Variants in CLCN3 observed in about 807,000 individuals in gnomAD.
CLCN3 encodes Cl-/H+ antiporter 3, also known as H(+)/Cl(-) exchange transporter 3.
In CLCN3, 16 loss-of-function variants were observed where a neutral mutation model predicts 83.4. The ratio of observed to expected loss-of-function variants is 0.19; its 90% CI spans 0.13 to 0.29. CLCN3 has a LOEUF of 0.29. Ranked by LOEUF, CLCN3 falls within the 10% of genes least tolerant of loss-of-function variation. CLCN3 has a pLI of 1.00. For synonymous variants in CLCN3, 322 were observed against 346.2 expected (o/e 0.93, Z 0.78); for missense variants, 544 against 1,006.0 (o/e 0.54, Z 6.21).
chr4:169,642,135 T>C (rs1045867587), intron 2 of CLCN3, among the ~76,000 whole-genome samples: 1 of 152,164 alleles, frequency 6.6e-6, no homozygotes, highest in African/African-American at 2.4e-5. Flanking sequence ...GATCTCACTA[T>C]GTTGACCAGG....
intron 2 of CLCN3, among the ~76,000 whole-genome samples, chr4:169,668,161 GA>G (rs1368971152): frequency 2.7e-5 from 4 of 146,496 alleles, no homozygotes; most frequent in African/African-American, 7.6e-5. Context: ...GTGTGTGTGA[GA>G]GGGGGTTGTT....
intron 11 of CLCN3, among the ~76,000 whole-genome samples, chr4:169,711,193 T>G (rs182910351): frequency 6.6e-6 from 1 of 152,358 alleles, no homozygotes; most frequent in East Asian, 1.9e-4. Flanking sequence ...CTTTACATCT[T>G]TTTATTTTGT....
intron 12 of CLCN3, among the ~76,000 whole-genome samples, chr4:169,719,250 A>G (rs1447515594): frequency 6.6e-6 from 1 of 152,216 alleles, no homozygotes; most frequent in Non-Finnish European, 1.5e-5. Flanking sequence ...GTGGATCACA[A>G]GGTCAGGAGT....
chr4:169,623,969 G>A (rs1468680936), intron 1 of CLCN3, among the ~76,000 whole-genome samples: 6 of 152,044 alleles, frequency 3.9e-5, no homozygotes, highest in African/African-American at 7.3e-5. Flanking sequence ...ATGAATCACT[G>A]TATTGGAAGA....
At chr4:169,679,120 C>T (rs1410132077) in intron 2 of CLCN3, among the ~76,000 whole-genome samples, 2 of 151,336 alleles carry the variant, frequency 1.3e-5, no homozygotes, top group Admixed American at 6.6e-5. Flanking sequence ...CGGAGGGGCT[C>T]CTCACTTCTC....
intron 2 of CLCN3, among the ~76,000 whole-genome samples, chr4:169,659,135 A>G (rs1730970154): frequency 6.6e-6 from 1 of 152,106 alleles, no homozygotes; most frequent in Non-Finnish European, 1.5e-5. Context: ...AATTGCTTCT[A>G]ATGAACAACA....
chr4:169,720,286 G>A lies in CLCN3; in HGVS notation c.*289G>A. The stretch of plus-strand genomic sequence containing the variant: ...GCACTGGATGCATTCAGCTGAGGAT[G>A]TGCCTGATAGTGCAGGCTTGCGCCT... On this transcript the variant is annotated 3_prime_UTR_variant, in exon 13 of 13. Coordinates refer to ENST00000513761, the MANE Select transcript of CLCN3 (RefSeq NM_001829.4). 1 of 461,096 alleles carries A rather than the reference G, an allele frequency of 2.2e-6. No homozygotes were observed. The highest frequency in any genetic ancestry group is 3.7e-5 in the East Asian group (1 of 27,204). 28.6% of individuals were successfully genotyped at this position (461,096 alleles called of 1,614,324 possible).
chr4:169,636,900 A>C (rs1003434461), intron 2 of CLCN3, among the ~76,000 whole-genome samples: 3 of 152,216 alleles, frequency 2.0e-5, no homozygotes, highest in Admixed American at 2.0e-4. Context: ...ATCAGATACT[A>C]TCAGAGATAC....
chr4:169,689,722 G>A (rs1732292646), intron 5 of CLCN3, among the ~76,000 whole-genome samples: 1 of 152,184 alleles, frequency 6.6e-6, no homozygotes, highest in Non-Finnish European at 1.5e-5. Context: ...GATGTTACAT[G>A]TATATTTTTT....
Position 169,721,554 on chromosome 4 carries a change from G to A in CLCN3, c.*1557G>A, listed in dbSNP as rs945382621. 1.3e-5 allele frequency: 2 copies of A among 152,112 alleles called. No homozygotes were observed. The highest frequency in any genetic ancestry group is 2.4e-5 in the African/African-American group (1 of 41,416). The allele number at this position is 152,112 out of a possible 1,614,324, so 9.4% of individuals were successfully genotyped here. A position where few individuals can be genotyped will look rare whatever the true frequency, so the allele number is the denominator to read the frequency against. The stretch of plus-strand genomic sequence containing the variant: ...TTAAAAAAAAAATCAAACCAAAAAT[G>A]TGAAAACAATAGAATTGCAAAGATA... On this transcript the variant is annotated 3_prime_UTR_variant, in exon 13 of 13. Transcript: ENST00000513761.
At chr4:169,653,021 G>A (rs1730771364) in intron 2 of CLCN3, among the ~76,000 whole-genome samples, 1 of 152,102 alleles carries the variant, frequency 6.6e-6, no homozygotes, top group African/African-American at 2.4e-5. Context: ...TATCTTCTAT[G>A]GAGTGCATTT....
rs377023371 is a variant in CLCN3, at chr4:169,694,616, A to T, written c.937-996A>T. Among the ~76,000 whole-genome samples the T allele has an allele frequency of 3.3e-5, 5 of 152,328 alleles. No homozygotes were observed. In the East Asian group the frequency reaches 9.6e-4, roughly 29 times the overall value. On this transcript the variant is annotated intron_variant, in intron 7 of 12. Coordinates refer to ENST00000513761, the MANE Select transcript of CLCN3 (RefSeq NM_001829.4). ...CATTTTGGTAGGTTGAGGCAGGCAG[A>T]TCACCTAAGGTCAGGAATTCGAGAC...
At chr4:169,688,902 G>A in intron 4 of CLCN3, 141 bp from the exon 5 acceptor site, 1 of 595,292 alleles carries the variant, frequency 1.7e-6, no homozygotes. Flanking sequence ...ACTAAAATTT[G>A]AAAATCTTAA....
intron 7 of CLCN3, among the ~76,000 whole-genome samples, chr4:169,693,455 T>C (rs1475422249): frequency 6.6e-6 from 1 of 152,226 alleles, no homozygotes; most frequent in East Asian, 1.9e-4. Context: ...CCTCATTTAG[T>C]GATTAGTAAA....
chr4:169,659,885 C>T (rs896285458), intron 2 of CLCN3, among the ~76,000 whole-genome samples: 3 of 152,106 alleles, frequency 2.0e-5, no homozygotes, highest in Admixed American at 6.6e-5. Flanking sequence ...CATTTTTCTA[C>T]ATTAGAAATG....
chr4:169,723,282 A>G lies in CLCN3; in HGVS notation c.*3285A>G, dbSNP rs545311101. On this transcript the variant is annotated 3_prime_UTR_variant, in exon 13 of 13. Coordinates refer to ENST00000513761, the MANE Select transcript of CLCN3 (RefSeq NM_001829.4). Reference sequence around the variant, plus strand: ...GATATGCCTGGCACAGGGAGCCCCAAAAAGGTAATAATTATAATGCTTCTC... The same window carrying G: ...GATATGCCTGGCACAGGGAGCCCCAGAAAGGTAATAATTATAATGCTTCTC... The G allele has an allele frequency of 5.9e-5, 9 of 152,254 alleles. No homozygotes were observed. The highest frequency in any genetic ancestry group is 1.9e-4 in the East Asian group (1 of 5,182). The allele number at this position is 152,254 out of a possible 1,614,324, so 9.4% of individuals were successfully genotyped here.
intron 2 of CLCN3, chr4:169,659,942 A>G (rs1238997265): frequency 1.7e-5 from 10 of 599,236 alleles, no homozygotes; most frequent in African/African-American, 2.0e-5. Context: ...ACATCTCTGT[A>G]TTACTTTTTC....
intron 2 of CLCN3, chr4:169,660,562 T>C: frequency 1.6e-6 from 1 of 634,382 alleles, no homozygotes. Flanking sequence ...GTACGTTGTT[T>C]AGTTGCCCTG....
chr4:169,622,720 C>CCCTA (rs1363594542), intron 1 of CLCN3, among the ~76,000 whole-genome samples: 1 of 152,044 alleles, frequency 6.6e-6, no homozygotes, highest in Non-Finnish European at 1.5e-5. Context: ...AACTAACTTG[C>CCCTA]CCTACAGTAA....
Sources: gnomAD v4.1 joint callset for allele counts (sites outside exome capture counted in the v4.1 genomes callset) on GRCh38, gnomAD v4.1.1 for gene constraint, MANE v1.5 for transcripts, NCBI Gene and HGNC (gene_info 2026-07-23, HGNC 2026-07-21) for gene names.